CRYBG1: variants seen among roughly 807,000 people sequenced by gnomAD.
The protein encoded by CRYBG1 is crystallin beta-gamma domain containing 1.
A neutral mutation model predicts 189.2 loss-of-function variants in CRYBG1; 139 were observed. That is an observed-to-expected ratio of 0.73 (90% CI 0.64 to 0.85). CRYBG1 has a LOEUF of 0.85. CRYBG1 is among the 40% of genes least tolerant of loss of function. CRYBG1 has a pLI of 0.00. For missense variants in CRYBG1, 2,611 were observed against 2,675.8 expected (o/e 0.98, Z 0.53); for synonymous variants, 1,023 against 1,017.1 (o/e 1.01, Z -0.11).
intron 1 of CRYBG1, among the ~76,000 whole-genome samples, chr6:106,416,469 T>C (rs989099782): frequency 2.0e-5 from 3 of 152,258 alleles, no homozygotes; most frequent in African/African-American, 7.2e-5. Flanking sequence ...TTTCATTTTA[T>C]ATAAGCCTGA....
intron 1 of CRYBG1, among the ~76,000 whole-genome samples, chr6:106,431,869 G>C (rs1037307643): frequency 6.6e-6 from 1 of 151,970 alleles, no homozygotes; most frequent in Non-Finnish European, 1.5e-5. Flanking sequence ...GCCCACTCTA[G>C]CTTCACAGAA....
intron 20 of CRYBG1, 115 bp downstream of exon 20, chr6:106,561,615 C>G (rs1774723674): frequency 2.4e-6 from 3 of 1,266,110 alleles, no homozygotes; most frequent in Non-Finnish European, 3.3e-6. Context: ...TCCTGGAGTA[C>G]TTTCAGAAAT....
Position 106,512,904 on chromosome 6 carries a change from A to G in CRYBG1, c.1787A>G (p.Asn596Ser), listed in dbSNP as rs370509677. The G allele has an allele frequency of 3.7e-6, 6 of 1,604,006 alleles. No homozygotes were observed. The highest frequency in any genetic ancestry group is 2.2e-5 in the East Asian group (1 of 44,490). ...AGGGGCCCGCTCCCCAACCACTTCA[A>G]CGGCCGGGCAGAGGGAGGTCGAAGC... ...HKRGPLPNHF[N>S]GRAEGGRSRE... Residue 596 changes from asparagine (N) to serine (S), a missense_variant, in exon 3 of 22, where the codon AAC (asparagine) becomes AGC (serine). Transcript: ENST00000633556.
rs149476288 is a variant in CRYBG1, at chr6:106,488,413, A to C, written c.313-23017A>C. Among the ~76,000 whole-genome samples, 41 of 152,330 alleles carry C rather than the reference A, an allele frequency of 2.7e-4. No homozygotes were observed. In the East Asian group the frequency reaches 7.3e-3, roughly 27 times the overall value. On this transcript the variant is annotated intron_variant, in intron 2 of 21. Coordinates refer to ENST00000633556, the MANE Select transcript of CRYBG1 (RefSeq NM_001371242.2). ...TTCCTGTGGTGCAGGGCCATCTCCA[A>C]GCTGGCTGTCAAACCAGGGTTGGGT...
chr6:106,433,868 C>T (rs1771400666), intron 1 of CRYBG1, among the ~76,000 whole-genome samples: 2 of 150,052 alleles, frequency 1.3e-5, no homozygotes, highest in African/African-American at 2.5e-5. Context: ...TTTTCTATTG[C>T]CATGTAACAA....
At chr6:106,390,218 A>T (rs116205136) in intron 1 of CRYBG1, among the ~76,000 whole-genome samples, 1 of 152,154 alleles carries the variant, frequency 6.6e-6, no homozygotes, top group Non-Finnish European at 1.5e-5. Flanking sequence ...CAGAAATACC[A>T]AAGAACAAAT....
At chr6:106,493,743 T>A (rs957187778) in intron 2 of CRYBG1, among the ~76,000 whole-genome samples, 3 of 152,124 alleles carry the variant, frequency 2.0e-5, no homozygotes, top group African/African-American at 7.2e-5. Flanking sequence ...TTCTCACTTA[T>A]AAGTGGGATG....
intron 2 of CRYBG1, among the ~76,000 whole-genome samples, chr6:106,504,113 A>AT (rs1773074882): frequency 6.6e-6 from 1 of 151,510 alleles, no homozygotes; most frequent in Non-Finnish European, 1.5e-5. Flanking sequence ...CAGAAAAAAG[A>AT]TTTTTTTAAA....
chr6:106,429,700 C>T (rs921520489), intron 1 of CRYBG1, among the ~76,000 whole-genome samples: 3 of 152,196 alleles, frequency 2.0e-5, no homozygotes, highest in African/African-American at 4.8e-5. Context: ...TTCCTGTGGA[C>T]TGTAGGCCCA....
intron 6 of CRYBG1, 32 bp downstream of exon 6, chr6:106,525,418 A>G (rs886872352): frequency 1.9e-6 from 3 of 1,546,964 alleles, no homozygotes; most frequent in African/African-American, 2.7e-5. Flanking sequence ...CCTGATGTCA[A>G]GTGTTTGAGT....
intron 11 of CRYBG1, among the ~76,000 whole-genome samples, chr6:106,544,348 G>A (rs150933142): frequency 8.6e-5 from 13 of 151,918 alleles, no homozygotes; most frequent in East Asian, 5.8e-4. Context: ...TCACACACAC[G>A]CTCCCCTTCC....
chr6:106,504,907 TTAATTC>T (rs1271442951), intron 2 of CRYBG1, among the ~76,000 whole-genome samples: 1 of 152,082 alleles, frequency 6.6e-6, no homozygotes, highest in Non-Finnish European at 1.5e-5. Context: ...AATTTTAACT[TTAATTC>T]TAAAAGTCTT....
At chr6:106,484,152 A>G (rs9486366) in intron 2 of CRYBG1, among the ~76,000 whole-genome samples, 1,836 of 152,304 alleles carry the variant, frequency 0.012, 40 homozygotes, top group African/African-American at 0.042. Context: ...TCAGTTGGCT[A>G]TAAGTGCACA....
intron 1 of CRYBG1, among the ~76,000 whole-genome samples, chr6:106,426,504 T>C (rs11963178): frequency 0.033 from 5,059 of 152,294 alleles, 281 homozygotes; most frequent in African/African-American, 0.12. Context: ...CCCACTCCAA[T>C]TGGGCTCCTC....
intron 3 of CRYBG1, among the ~76,000 whole-genome samples, chr6:106,515,772 T>TA (rs1422871134): frequency 1.4e-5 from 2 of 141,578 alleles, no homozygotes; most frequent in Non-Finnish European, 3.0e-5. Flanking sequence ...TTTATTTATT[T>TA]ATTTATTTAT....
intron 1 of CRYBG1, among the ~76,000 whole-genome samples, chr6:106,436,169 A>G (rs1029353188): frequency 9.1e-6 from 1 of 110,242 alleles, no homozygotes; most frequent in South Asian, 4.0e-4. Context: ...ATGAATGTCA[A>G]TTTCGGAAAA....
At position 106,512,891 on chromosome 6, in the gene CRYBG1, C is replaced by A; in HGVS notation, c.1774C>A (p.Pro592Thr). 6.2e-7 allele frequency: 1 copy of A among 1,600,716 alleles called. No homozygotes were observed. Residue 592 changes from proline to threonine, a missense_variant, in exon 3 of 22, where the codon CCC becomes ACC. Pro to Thr is a conservative substitution (Grantham distance 38). Transcript: ENST00000633556. ...GCCCGAGCACAAGAGGGGCCCGCTC[C>A]CCAACCACTTCAACGGCCGGGCAGA... is the stretch of plus-strand genomic sequence containing the variant. ...IKPEHKRGPL[P>T]NHFNGRAEGG...
intron 2 of CRYBG1, among the ~76,000 whole-genome samples, chr6:106,504,166 G>A (rs141874085): frequency 5.3e-5 from 8 of 152,204 alleles, no homozygotes; most frequent in Non-Finnish European, 1.0e-4. Flanking sequence ...ACTAGAAGTG[G>A]TGACAAATAT....
chr6:106,505,313 C>T (rs1773107489), intron 2 of CRYBG1, among the ~76,000 whole-genome samples: 1 of 152,102 alleles, frequency 6.6e-6, no homozygotes, highest in South Asian at 2.1e-4. Context: ...CCAGGATGGT[C>T]TCGATCTCTT....
Sources: allele counts gnomAD v4.1 joint callset (sites outside exome capture counted in the v4.1 genomes callset), GRCh38; gene constraint gnomAD v4.1.1; transcripts MANE v1.5; gene names NCBI Gene and HGNC (gene_info 2026-07-23, HGNC 2026-07-21).